PDE1C: variants seen among roughly 807,000 people sequenced by gnomAD.
PDE1C encodes dual specificity calcium/calmodulin-dependent 3',5'-cyclic nucleotide phosphodiesterase 1C.
A neutral mutation model predicts 93.1 loss-of-function variants in PDE1C; 62 were observed. The observed-to-expected ratio is 0.67, with a 90% CI of 0.54 to 0.82. The LOEUF (loss-of-function observed/expected upper bound fraction) is 0.82. Among genes scored for constraint, PDE1C ranks in the 40% least tolerant of loss-of-function variants. PDE1C has a pLI of 0.00. For missense variants in PDE1C, 742 were observed against 884.6 expected, an observed-to-expected ratio of 0.84 and a Z score of 2.04; for synonymous variants, 325 against 310.1, an observed-to-expected ratio of 1.05 and a Z score of -0.50.
chr7:31,623,288 A>T, the PDE1C span, among the ~76,000 whole-genome samples: 1 of 152,168 alleles, frequency 6.6e-6, no homozygotes, highest in African/African-American at 2.4e-5. Flanking sequence ...AAAGCCGGGC[A>T]GAGACACAAC....
chr7:32,170,939 G>C (rs1470297536), intron 2 of PDE1C, among the ~76,000 whole-genome samples: 1 of 152,098 alleles, frequency 6.6e-6, no homozygotes, highest in Non-Finnish European at 1.5e-5. Context: ...AGGCAACTAG[G>C]TATTAGGCAG....
At chr7:32,333,350 T>C (rs1450126067) in intron 1 of PDE1C, among the ~76,000 whole-genome samples, 1 of 152,214 alleles carries the variant, frequency 6.6e-6, no homozygotes, top group Non-Finnish European at 1.5e-5. Context: ...CCTTTCAATG[T>C]AGTGTTTTAA....
chr7:32,143,747 T>G (rs564322562), intron 3 of PDE1C, among the ~76,000 whole-genome samples: 1 of 152,338 alleles, frequency 6.6e-6, no homozygotes, highest in Admixed American at 6.5e-5. Flanking sequence ...GTCCTCTTTT[T>G]CTGCCAAATT....
the PDE1C span, among the ~76,000 whole-genome samples, chr7:31,691,086 A>C: frequency 6.6e-6 from 1 of 152,280 alleles, no homozygotes; most frequent in East Asian, 1.9e-4. Flanking sequence ...GGCAATCTCT[A>C]TACAAACACT....
intron 3 of PDE1C, among the ~76,000 whole-genome samples, chr7:32,166,132 C>A (rs1309878818): frequency 6.6e-6 from 1 of 151,718 alleles, no homozygotes; most frequent in African/African-American, 2.4e-5. Flanking sequence ...ACACATGCAA[C>A]AAAACATCAT....
At chr7:32,344,554 G>A (rs1171132332) in intron 1 of PDE1C, among the ~76,000 whole-genome samples, 1 of 152,008 alleles carries the variant, frequency 6.6e-6, no homozygotes, top group African/African-American at 2.4e-5. Flanking sequence ...CACTAACTGA[G>A]GCCTCTCCCT....
chr7:32,034,244 A>G (rs30569), intron 2 of PDE1C, among the ~76,000 whole-genome samples: 81,530 of 151,958 alleles, frequency 0.54, 23,960 homozygotes, highest in Middle Eastern at 0.71. Context: ...AAGCAAAATG[A>G]GGAAGAAATT....
the PDE1C span, chr7:31,643,537 G>A: frequency 1.2e-6 from 2 of 1,614,060 alleles, no homozygotes; most frequent in South Asian, 2.2e-5. Flanking sequence ...TGCTCAGAGG[G>A]CTGTGGCCTT....
chr7:31,917,103 C>T lies in PDE1C; in HGVS notation c.129-36243G>A, dbSNP rs1249366045. Among the ~76,000 whole-genome samples the T allele has an allele frequency of 3.3e-5, 5 of 152,224 alleles. No individual in the cohort carries two copies. In the East Asian group the frequency reaches 7.7e-4, roughly 24 times the overall value. On this transcript the variant is annotated intron_variant, in intron 2 of 17. Coordinates refer to ENST00000396191, the MANE Select transcript of PDE1C (RefSeq NM_001191057.4). ...AGTACCCCTGGATGGGAAAGGTATACCTCCTATCCAGCCACAGGTAGAGAG... is the reference window on the plus strand; with the variant it reads ...AGTACCCCTGGATGGGAAAGGTATATCTCCTATCCAGCCACAGGTAGAGAG...
At chr7:32,374,166 GAAAGAAAGAAAGA>G (rs1784381003) in intron 1 of PDE1C, among the ~76,000 whole-genome samples, 1 of 1,574 alleles carries the variant, frequency 6.4e-4, no homozygotes, top group African/African-American at 7.0e-4. Context: ...GAAAGAGAAA[GAAAGAAAGAAAGA>G]AAGAAAGAAA....
chr7:31,898,802 T>A (rs1401755266), intron 2 of PDE1C, among the ~76,000 whole-genome samples: 1 of 152,222 alleles, frequency 6.6e-6, no homozygotes, highest in African/African-American at 2.4e-5. Flanking sequence ...GTAAGACTGT[T>A]TGGAAGGCAA....
chr7:32,362,035 C>A (rs951541681), intron 1 of PDE1C, among the ~76,000 whole-genome samples: 1 of 152,150 alleles, frequency 6.6e-6, no homozygotes, highest in Admixed American at 6.5e-5. Context: ...TTCAATGCAA[C>A]AGAGTGAGTG....
chr7:32,051,661 G>A (rs1454593048), intron 1 of PDE1C, 81 bp from the exon 2 acceptor site: 8 of 1,130,556 alleles, frequency 7.1e-6, no homozygotes, highest in East Asian at 4.8e-5. Context: ...CAGTGGGGAT[G>A]GGCATGGGGG....
At chr7:31,674,279 G>A in the PDE1C span, among the ~76,000 whole-genome samples, 1 of 151,998 alleles carries the variant, frequency 6.6e-6, no homozygotes, top group Non-Finnish European at 1.5e-5. Context: ...ATGCTTTGAT[G>A]GAAGGATAGA....
intron 1 of PDE1C, among the ~76,000 whole-genome samples, chr7:32,229,339 G>T (rs1807521449): frequency 6.6e-6 from 1 of 152,168 alleles, no homozygotes; most frequent in East Asian, 1.9e-4. Flanking sequence ...AGTCTAGGGA[G>T]CACTTGTCAC....
chr7:32,344,995 C>T (rs1463092661), intron 1 of PDE1C, among the ~76,000 whole-genome samples: 1 of 152,164 alleles, frequency 6.6e-6, no homozygotes, highest in Non-Finnish European at 1.5e-5. Flanking sequence ...GAGGTTCATG[C>T]TAATCCTTAA....
At chr7:31,707,043 G>A in the PDE1C span, among the ~76,000 whole-genome samples, 1 of 152,168 alleles carries the variant, frequency 6.6e-6, no homozygotes, top group Non-Finnish European at 1.5e-5. Context: ...CCTAGATAGA[G>A]CCACCCAGCT....
At chr7:32,007,327 G>A (rs536049120) in intron 2 of PDE1C, among the ~76,000 whole-genome samples, 6 of 152,198 alleles carry the variant, frequency 3.9e-5, no homozygotes, top group East Asian at 1.9e-4. Context: ...ACCTCAGCAC[G>A]TCTACCACAC....
intron 1 of PDE1C, among the ~76,000 whole-genome samples, chr7:32,276,757 C>T (rs192978071): frequency 6.6e-6 from 1 of 152,216 alleles, no homozygotes; most frequent in East Asian, 1.9e-4. Flanking sequence ...TGACATAGCA[C>T]CCGGTCCACA....
Sources: allele counts gnomAD v4.1 joint callset (sites outside exome capture counted in the v4.1 genomes callset), GRCh38; gene constraint gnomAD v4.1.1; transcripts MANE v1.5; gene names NCBI Gene and HGNC (gene_info 2026-07-23, HGNC 2026-07-21).